CHIA: variants seen among roughly 807,000 people sequenced by gnomAD.
CHIA encodes chitinase acidic.
CHIA carries 47 observed loss-of-function variants against 53.5 expected under a neutral mutation model. The ratio of observed to expected loss-of-function variants is 0.88; its 90% CI spans 0.70 to 1.12. The LOEUF is 1.12. Among genes scored for constraint, CHIA ranks in the 50% most tolerant of loss-of-function variants. The pLI is 0.00. For missense variants in CHIA, 652 were observed against 592.2 expected (o/e 1.10, Z -1.05); for synonymous variants, 268 against 222.2 (o/e 1.21, Z -1.83).
In CHIA at chr1:111,319,483, G is replaced by A. The variant is rs1404940457; in HGVS notation, c.1177+15G>A. 6.2e-7 allele frequency: 1 copy of A among 1,612,768 alleles called. No homozygotes were observed. Among genetic ancestry groups the A allele is most frequent in the Admixed American group, 1.7e-5 (1 of 60,010 alleles). ...GCAGAGTGCAAGTAAGTGACTGAGG[G>A]GGAATGCCCAGGTGTATAAATACCC... On this transcript the variant is annotated intron_variant, in intron 11 of 11. Transcript: ENST00000369740.
rs754106971 is a variant in CHIA at position 111,317,788 on chromosome 1, G to A, written c.588G>A (p.Glu196=). 1.2e-6 allele frequency: 2 copies of A among 1,613,572 alleles called. No individual in the cohort carries two copies. The change falls in exon 7 of 12, where the codon GAG becomes GAA. Residue 196 remains glutamate (E), a synonymous_variant. Coordinates refer to ENST00000369740, the MANE Select transcript of CHIA (RefSeq NM_201653.4). ...AGISNIQSGY[E]IPQLSQYLDY... is the part of the protein sequence containing the mutation. ...TCTCCAATATCCAGTCTGGCTATGAGATCCCCCAACTGTCACAGTGAGTGA... is the reference window on the plus strand; with the variant it reads ...TCTCCAATATCCAGTCTGGCTATGAAATCCCCCAACTGTCACAGTGAGTGA...
rs751042817 is a variant in CHIA at position 111,315,389 on chromosome 1, G to A, written c.434G>A (p.Arg145His). The change falls in exon 6 of 12, where the codon CGT becomes CAT. Residue 145 changes from arginine (R) to histidine (H), a missense_variant. Arg to His is a conservative substitution (Grantham distance 29). Transcript: ENST00000369740. ...TTTGACTGGGAGTACCCTGGCTCTC[G>A]TGGGAGCCCTCCTCAGGACAAGCAT... ...LDFDWEYPGSRGSPPQDKHLF... is the reference protein window; with the variant it reads ...LDFDWEYPGSHGSPPQDKHLF... 28 of 1,613,998 alleles carry A rather than the reference G, an allele frequency of 1.7e-5. No homozygotes were observed. The highest frequency in any genetic ancestry group is 6.7e-5 in the East Asian group (3 of 44,898).
Position 111,319,257 on chromosome 1 carries a change from A to T in CHIA, c.1035+18A>T, listed in dbSNP as rs1459882217. The T allele has an allele frequency of 1.9e-6, 3 of 1,614,170 alleles. No homozygotes were observed. The highest frequency in any genetic ancestry group is 1.7e-6 in the Non-Finnish European group (2 of 1,180,006). ...ATATTAAGGTAAGATCAGTCCCTTA[A>T]ATGTGCTGAGGTCCCAGCCCTGAGT... On this transcript the variant is annotated intron_variant, in intron 10 of 11. Coordinates refer to ENST00000369740, the MANE Select transcript of CHIA (RefSeq NM_201653.4).
intron 4 of CHIA, among the ~76,000 whole-genome samples, chr1:111,312,619 C>T (rs1021402734): frequency 2.0e-5 from 3 of 152,132 alleles, no homozygotes; most frequent in Non-Finnish European, 4.4e-5. Context: ...TCAACATATG[C>T]ATTTCCACAA....
intron 7 of CHIA, 47 bp downstream of exon 7, chr1:111,317,852 C>T (rs759224479): frequency 1.9e-5 from 30 of 1,612,956 alleles, no homozygotes; most frequent in Non-Finnish European, 2.5e-5. Flanking sequence ...GTCACTCGGG[C>T]ACACTAGACT....
At position 111,320,247 on chromosome 1, in the gene CHIA, A is replaced by T. The variant is rs1276651981; in HGVS notation, c.1212A>T (p.Ile404=). The T allele has an allele frequency of 1.2e-6, 2 of 1,614,000 alleles. No individual in the cohort carries two copies. The highest frequency in any genetic ancestry group is 1.7e-5 in the Admixed American group (1 of 60,026). Residue 404 remains isoleucine, a synonymous_variant, in exon 12 of 12, where the codon ATA becomes ATT. Transcript: ENST00000369740. ...CTAPAQPIEP[I]TAAPSGSGNG... The stretch of plus-strand genomic sequence containing the variant: ...CTCCAGCTCAGCCCATTGAGCCAAT[A>T]ACTGCTGCTCCCAGTGGCAGCGGGA...
In CHIA at chr1:111,304,141, C is replaced by G. The variant is rs72984189; in HGVS notation, c.-68-6259C>G. Among the ~76,000 whole-genome samples the G allele has an allele frequency of 6.3e-3, 966 of 152,200 alleles. 13 individuals are homozygous for G. Among genetic ancestry groups the G allele is most frequent in the African/African-American group, 0.021 (892 of 41,536 alleles). Reference sequence around the variant, plus strand: ...AAGATCCCTTGTATGTGGCCAGTTGCTTCTCTTTTGATGATTTCAAGACTC... The same window carrying G: ...AAGATCCCTTGTATGTGGCCAGTTGGTTCTCTTTTGATGATTTCAAGACTC... On this transcript the variant is annotated intron_variant, in intron 1 of 11. Coordinates refer to ENST00000369740, the MANE Select transcript of CHIA (RefSeq NM_201653.4).
At chr1:111,307,813 T>C (rs943999733) in intron 1 of CHIA, among the ~76,000 whole-genome samples, 5 of 152,114 alleles carry the variant, frequency 3.3e-5, no homozygotes, top group African/African-American at 1.2e-4. Flanking sequence ...AGCTAATTTT[T>C]GTATTTTTAG....
chr1:111,301,723 A>AT (rs1206449634), intron 1 of CHIA, among the ~76,000 whole-genome samples: 1 of 151,834 alleles, frequency 6.6e-6, no homozygotes. Flanking sequence ...AAAAAAAAAA[A>AT]AAAGATGAGT....
At chr1:111,319,084 A>C in intron 9 of CHIA, 36 bp from the exon 10 acceptor site, 1 of 1,591,386 alleles carries the variant, frequency 6.3e-7, no homozygotes, top group South Asian at 1.2e-5. Flanking sequence ...AATGGGAGTA[A>C]CATTTAATAG....
intron 1 of CHIA, among the ~76,000 whole-genome samples, chr1:111,292,116 CA>C (rs1208603840): frequency 1.3e-5 from 2 of 152,156 alleles, no homozygotes; most frequent in Non-Finnish European, 2.9e-5. Context: ...AATTACTCCT[CA>C]GCTATCCAAG....
rs751406036 is a variant in CHIA, at chr1:111,312,242, AG to A, written c.110del (p.Gly37AlafsTer18). The A allele has an allele frequency of 1.9e-6, 3 of 1,614,016 alleles. No homozygotes were observed. The East Asian group carries it at 6.7e-5, about 36-fold the overall frequency. ...TCACCAACTGGGCCCAGTACCGGCC[AG>A]GCCTGGGGCGCTTCATGCCTGACAA... ...YFTNWAQYRP[G>X]LGRFMPDNID... is the part of the protein sequence containing the mutation. On this transcript the variant is annotated frameshift_variant, in exon 4 of 12. Transcript: ENST00000369740. LOFTEE classifies it high-confidence loss of function.
intron 3 of CHIA, 147 bp from the exon 4 acceptor site, chr1:111,312,043 A>T: frequency 3.0e-6 from 2 of 660,742 alleles, no homozygotes; most frequent in Non-Finnish European, 5.3e-6. Flanking sequence ...CTTAGGATGC[A>T]TTTGCAAGAG....
chr1:111,298,262 A>G (rs1647374889), intron 1 of CHIA, among the ~76,000 whole-genome samples: 1 of 152,176 alleles, frequency 6.6e-6, no homozygotes, highest in African/African-American at 2.4e-5. Flanking sequence ...CATCTGCAGA[A>G]CTCTCCACCC....
chr1:111,291,047 A>G, intron 1 of CHIA, 97 bp downstream of exon 1: 1 of 302,386 alleles, frequency 3.3e-6, no homozygotes, highest in South Asian at 2.7e-5. Context: ...TGTTTATTAT[A>G]TCGTTTGCTT....
chr1:111,312,403 G>T lies in CHIA; in HGVS notation c.257+12G>T, dbSNP rs943559067. The T allele has an allele frequency of 5.0e-6, 8 of 1,604,698 alleles. No individual in the cohort carries two copies. Among genetic ancestry groups the T allele is most frequent in the Non-Finnish European group, 6.8e-6 (8 of 1,171,408 alleles). On this transcript the variant is annotated intron_variant, in intron 4 of 11. Coordinates refer to ENST00000369740, the MANE Select transcript of CHIA (RefSeq NM_201653.4). ...GGCCTGAAAAATAAGTAGGATGAGG[G>T]AGATATTTAATTTGGCATCCCCTTT... is the stretch of plus-strand genomic sequence containing the variant.
chr1:111,293,921 A>G (rs1165496308), intron 1 of CHIA, among the ~76,000 whole-genome samples: 1 of 152,154 alleles, frequency 6.6e-6, no homozygotes, highest in Admixed American at 6.5e-5. Flanking sequence ...TCCTATAAAA[A>G]ATACAAAAAA....
In CHIA at chr1:111,312,245, C is replaced by T. The variant is rs1362587627; in HGVS notation, c.111C>T (p.Gly37=). Residue 37 remains glycine, a synonymous_variant, in exon 4 of 12, where the codon GGC becomes GGT. Transcript: ENST00000369740. The stretch of plus-strand genomic sequence containing the variant: ...CCAACTGGGCCCAGTACCGGCCAGG[C>T]CTGGGGCGCTTCATGCCTGACAACA... The part of the protein sequence containing the change: ...YFTNWAQYRP[G]LGRFMPDNID... 55 of 1,613,942 alleles carry T rather than the reference C, an allele frequency of 3.4e-5. No individual in the cohort carries two copies. Among genetic ancestry groups the T allele is most frequent in the Non-Finnish European group, 4.3e-5 (51 of 1,179,954 alleles).
chr1:111,319,065 T>G, intron 9 of CHIA, 55 bp from the exon 10 acceptor site: 1 of 1,567,028 alleles, frequency 6.4e-7, no homozygotes. Context: ...TTGAAACATG[T>G]TTTTCTTTAA....
Sources: gnomAD v4.1 joint callset for allele counts (sites outside exome capture counted in the v4.1 genomes callset) on GRCh38, gnomAD v4.1.1 for gene constraint, MANE v1.5 for transcripts, NCBI Gene and HGNC (gene_info 2026-07-23, HGNC 2026-07-21) for gene names.